The following MED27 variants were observed in gnomAD, a reference collection of about 807,000 sequenced individuals.
MED27 encodes the protein mediator complex subunit 27, also known as mediator of RNA polymerase II transcription subunit 27.
A neutral mutation model predicts 38.2 loss-of-function variants in MED27; 30 were observed. The observed-to-expected ratio is 0.79, with a 90% confidence interval of 0.59 to 1.07. MED27 has a LOEUF of 1.07. MED27 is among the 50% of genes least tolerant of loss of function. The pLI is 0.00. For synonymous variants in MED27, 122 were observed against 153.5 expected, an observed-to-expected ratio of 0.79 and a Z score of 1.52; for missense variants, 289 against 397.5, an observed-to-expected ratio of 0.73 and a Z score of 2.32.
chr9:131,869,511 C>T (rs1432055095), intron 6 of MED27: 6 of 748,604 alleles, frequency 8.0e-6, no homozygotes, highest in Non-Finnish European at 9.8e-6. Context: ...CCGCCCTCCC[C>T]CTTGGCGGAG....
At chr9:131,972,504 G>A (rs1831501321) in intron 3 of MED27, among the ~76,000 whole-genome samples, 1 of 152,174 alleles carries the variant, frequency 6.6e-6, no homozygotes, top group African/African-American at 2.4e-5. Flanking sequence ...CAGGTGGTAT[G>A]TCCCTGCCAC....
chr9:131,863,427 G>C (rs1023216574), intron 6 of MED27, among the ~76,000 whole-genome samples: 2 of 152,182 alleles, frequency 1.3e-5, no homozygotes, highest in African/African-American at 2.4e-5. Context: ...CAGAGGGAGC[G>C]GCCAGAGGCC....
At chr9:131,874,613 A>C (rs896402016) in intron 6 of MED27, among the ~76,000 whole-genome samples, 2 of 152,172 alleles carry the variant, frequency 1.3e-5, no homozygotes, top group African/African-American at 4.8e-5. Flanking sequence ...CAAACAGGGA[A>C]ACCCCAGGAT....
At chr9:131,964,102 C>T (rs970449243) in intron 3 of MED27, among the ~76,000 whole-genome samples, 60 of 151,956 alleles carry the variant, frequency 3.9e-4, no homozygotes, top group Non-Finnish European at 7.6e-4. Flanking sequence ...ATATGGGCTC[C>T]AGTGAACCTG....
At chr9:132,048,289 T>C (rs897999433) in intron 2 of MED27, among the ~76,000 whole-genome samples, 2 of 152,180 alleles carry the variant, frequency 1.3e-5, no homozygotes, top group African/African-American at 2.4e-5. Flanking sequence ...AAAAAAAATG[T>C]TTCTTGAATG....
At chr9:131,945,058 T>C (rs908876550) in intron 3 of MED27, among the ~76,000 whole-genome samples, 1 of 147,834 alleles carries the variant, frequency 6.8e-6, no homozygotes, top group African/African-American at 2.4e-5. Flanking sequence ...TCAATAAAGC[T>C]ACTTTTATTT....
At chr9:131,979,371 C>T (rs950812642) in intron 3 of MED27, among the ~76,000 whole-genome samples, 6 of 151,810 alleles carry the variant, frequency 4.0e-5, no homozygotes, top group South Asian at 2.1e-4. Flanking sequence ...ATGTAACCAA[C>T]GCTTATGTAT....
At chr9:131,985,455 T>C (rs1831829257) in intron 3 of MED27, among the ~76,000 whole-genome samples, 1 of 152,216 alleles carries the variant, frequency 6.6e-6, no homozygotes, top group Non-Finnish European at 1.5e-5. Context: ...AGACCGCATA[T>C]ATGACAGTGG....
At chr9:132,026,951 GACTGGT>G (rs1832836297) in intron 2 of MED27, among the ~76,000 whole-genome samples, 1 of 152,230 alleles carries the variant, frequency 6.6e-6, no homozygotes, top group African/African-American at 2.4e-5. Flanking sequence ...GCAGGGTCAG[GACTGGT>G]ATCCGGGGAG....
intron 2 of MED27, among the ~76,000 whole-genome samples, chr9:132,036,149 C>T (rs1218699709): frequency 6.6e-6 from 1 of 152,174 alleles, no homozygotes; most frequent in Non-Finnish European, 1.5e-5. Context: ...TCTCTTTCTC[C>T]TAACCATTTT....
intron 4 of MED27, among the ~76,000 whole-genome samples, chr9:131,894,915 G>A (rs1829800406): frequency 6.6e-6 from 1 of 152,138 alleles, no homozygotes; most frequent in Non-Finnish European, 1.5e-5. Flanking sequence ...TGGCAAGACT[G>A]GATCAGCTCC....
At chr9:131,874,630 G>A (rs771828834) in intron 6 of MED27, among the ~76,000 whole-genome samples, 2 of 152,336 alleles carry the variant, frequency 1.3e-5, no homozygotes, top group African/African-American at 2.4e-5. Context: ...GGATAGACAC[G>A]AGGGAACTTT....
chr9:131,989,910 GC>G (rs1284647980), intron 3 of MED27, among the ~76,000 whole-genome samples: 1 of 152,146 alleles, frequency 6.6e-6, no homozygotes, highest in East Asian at 1.9e-4. Flanking sequence ...AAGTCACTGG[GC>G]CAGCAGAGCC....
intron 2 of MED27, among the ~76,000 whole-genome samples, chr9:132,072,776 G>C (rs1284329998): frequency 6.6e-6 from 1 of 152,108 alleles, no homozygotes. Flanking sequence ...GGGCATTTAA[G>C]TGATTTTCTC....
In MED27 at chr9:132,024,618, T is replaced by C. The variant is rs558164126; in HGVS notation, c.349-10151A>G. ...TACCCACTAGGTCGTTCTAAATGAG[T>C]AGCTATATTGAGAAGGAAATCTAAC... On this transcript the variant is annotated intron_variant, in intron 2 of 7. Transcript: ENST00000292035. Among the ~76,000 whole-genome samples, 11 of 152,310 alleles carry C rather than the reference T, an allele frequency of 7.2e-5. No homozygotes were observed. The South Asian group carries it at 1.9e-3, about 26-fold the overall frequency.
chr9:131,879,474 CAGG>C (rs1838997612), intron 6 of MED27, among the ~76,000 whole-genome samples: 1 of 152,208 alleles, frequency 6.6e-6, no homozygotes. Flanking sequence ...TCAGCTAGAG[CAGG>C]AGGAGAATTC....
chr9:131,957,882 G>A (rs1589233640), intron 3 of MED27, among the ~76,000 whole-genome samples: 2 of 147,050 alleles, frequency 1.4e-5, no homozygotes, highest in African/African-American at 2.5e-5. Context: ...AATTCAAGAC[G>A]ACCCTGTCTC....
At position 131,863,125 on chromosome 9, in the gene MED27, T is replaced by C; in HGVS notation, c.739A>G (p.Thr247Ala). 6.2e-7 allele frequency: 1 copy of C among 1,614,102 alleles called. No homozygotes were observed. Among genetic ancestry groups the C allele is most frequent in the Non-Finnish European group, 8.5e-7 (1 of 1,180,016 alleles). Residue 247 changes from threonine (T) to alanine (A), a missense_variant, in exon 7 of 8, where the codon ACC (threonine) becomes GCC (alanine). By Grantham distance (58) the Thr-to-Ala change is moderately conservative (BLOSUM62 0). Coordinates refer to ENST00000292035, the MANE Select transcript of MED27 (RefSeq NM_004269.4). The part of the protein sequence containing the change: ...QVFQKVTDHA[T>A]TALLHYQLPQ... ...AGCTGATAGTGGAGCAGGGCAGTGG[T>C]GGCATGGTCTGTCACCTGAGAGTGA... is the stretch of plus-strand genomic sequence containing the variant.
At chr9:131,939,342 TCCC>T (rs966365908) in intron 4 of MED27, 36 bp downstream of exon 4, 2 of 1,412,160 alleles carry the variant, frequency 1.4e-6, no homozygotes, top group Non-Finnish European at 2.0e-6. Context: ...GTCCATTTTT[TCCC>T]CCAACATCCC....
Sources: allele counts gnomAD v4.1 joint callset (sites outside exome capture counted in the v4.1 genomes callset), GRCh38; gene constraint gnomAD v4.1.1; transcripts MANE v1.5; gene names NCBI Gene and HGNC (gene_info 2026-07-23, HGNC 2026-07-21).